Variants in DCC observed in about 807,000 individuals in gnomAD.
The protein encoded by DCC is DCC netrin 1 receptor, also known as netrin receptor DCC.
Under a neutral mutation model 172.5 loss-of-function variants are expected in DCC, and 58 were observed. The observed-to-expected ratio is 0.34, with a 90% CI of 0.27 to 0.42. The LOEUF is 0.42. Among genes scored for constraint, DCC ranks in the 10% least tolerant of loss-of-function variants. DCC has a pLI of 1.00. For synonymous variants in DCC, 709 were observed against 644.5 expected (o/e 1.10, Z -1.52); for missense variants, 1,740 against 1,791.0 (o/e 0.97, Z 0.51).
intron 2 of DCC, among the ~76,000 whole-genome samples, chr18:52,787,082 C>T (rs1414107160): frequency 6.6e-6 from 1 of 152,080 alleles, no homozygotes; most frequent in African/African-American, 2.4e-5. Flanking sequence ...TTATTAAAAG[C>T]TTTAAAAAGT....
intron 1 of DCC, among the ~76,000 whole-genome samples, chr18:52,658,744 G>A (rs1041229990): frequency 2.0e-5 from 3 of 151,926 alleles, no homozygotes; most frequent in Non-Finnish European, 4.4e-5. Flanking sequence ...TATAGTAGTT[G>A]GGAATGGAAA....
intron 1 of DCC, among the ~76,000 whole-genome samples, chr18:52,551,300 G>T (rs973162460): frequency 3.0e-4 from 46 of 151,904 alleles, no homozygotes; most frequent in Non-Finnish European, 4.7e-4. Flanking sequence ...AAGGTAGCAA[G>T]GTAGAATCAT....
chr18:52,883,369 TGTGTGTGTGTGTGTGTGTGTGTGA>T (rs879358866), intron 2 of DCC, among the ~76,000 whole-genome samples: 1,676 of 126,714 alleles, frequency 0.013, 19 homozygotes, highest in Non-Finnish European at 0.023. Context: ...TGTGTGTGTG[TGTGTGTGTGTGTGTGTGTGTGTGA>T]GATCTCTTTC....
chr18:53,027,155 A>G (rs2041966435), intron 5 of DCC, among the ~76,000 whole-genome samples: 1 of 152,046 alleles, frequency 6.6e-6, no homozygotes, highest in African/African-American at 2.4e-5. Context: ...TACCCTCCTT[A>G]GGACAATTGG....
At chr18:52,541,587 G>A (rs1035512423) in intron 1 of DCC, among the ~76,000 whole-genome samples, 1 of 152,056 alleles carries the variant, frequency 6.6e-6, no homozygotes, top group Non-Finnish European at 1.5e-5. Flanking sequence ...ATAAGCACAA[G>A]CATCCGTTCT....
chr18:53,021,971 T>C (rs2041887853), intron 5 of DCC, among the ~76,000 whole-genome samples: 1 of 152,194 alleles, frequency 6.6e-6, no homozygotes, highest in Non-Finnish European at 1.5e-5. Context: ...CAAAATTGAG[T>C]TTGATAGTTT....
chr18:53,411,821 C>T (rs1258662757), intron 20 of DCC, among the ~76,000 whole-genome samples: 1 of 152,076 alleles, frequency 6.6e-6, no homozygotes, highest in Non-Finnish European at 1.5e-5. Flanking sequence ...ATTTTGAGGA[C>T]TTCATGTCTA....
At position 52,680,277 on chromosome 18, in the gene DCC, A is replaced by G. The variant is rs374010986; in HGVS notation, c.92-71777A>G. ...GGGAGCACAGAGGAGGAAGCAACCA[A>G]CTAGACCTGGGGGAATCAAGAGGCT... On this transcript the variant is annotated intron_variant, in intron 1 of 28. Transcript: ENST00000442544. 1.0e-3 allele frequency among the ~76,000 whole-genome samples: 158 copies of G among 152,174 alleles called. 3 individuals carry two copies. The South Asian group carries it at 0.031, about 30-fold the overall frequency.
At chr18:52,439,233 G>GA (rs74178669) in intron 1 of DCC, among the ~76,000 whole-genome samples, 3 of 144,608 alleles carry the variant, frequency 2.1e-5, no homozygotes, top group African/African-American at 7.8e-5. Context: ...CCTAATCACA[G>GA]AAAAAAATAC....
At chr18:53,164,055 C>A (rs746986048) in intron 8 of DCC, among the ~76,000 whole-genome samples, 5 of 152,184 alleles carry the variant, frequency 3.3e-5, no homozygotes, top group Non-Finnish European at 2.9e-5. Flanking sequence ...CCAAAGCAGG[C>A]ACTCTCAATC....
intron 1 of DCC, among the ~76,000 whole-genome samples, chr18:52,669,904 T>C (rs894872740): frequency 6.6e-6 from 1 of 151,640 alleles, no homozygotes; most frequent in Non-Finnish European, 1.5e-5. Context: ...AAAGAGAAAG[T>C]AACAAGTGTG....
chr18:53,054,279 G>A (rs1043800776), intron 5 of DCC, among the ~76,000 whole-genome samples: 1 of 151,726 alleles, frequency 6.6e-6, no homozygotes, highest in Non-Finnish European at 1.5e-5. Context: ...TATATATGAA[G>A]GACCAGCTAT....
At chr18:53,069,104 A>G (rs1480893219) in intron 7 of DCC, among the ~76,000 whole-genome samples, 1 of 152,088 alleles carries the variant, frequency 6.6e-6, no homozygotes, top group Non-Finnish European at 1.5e-5. Context: ...AGATGATGGA[A>G]GTACAGTAAC....
intron 12 of DCC, among the ~76,000 whole-genome samples, chr18:53,302,958 T>G (rs2057158158): frequency 6.6e-6 from 1 of 152,222 alleles, no homozygotes; most frequent in African/African-American, 2.4e-5. Context: ...TGTTTTGCAT[T>G]TATTTTGTTT....
intron 12 of DCC, among the ~76,000 whole-genome samples, chr18:53,225,304 G>A (rs1171214316): frequency 6.6e-6 from 1 of 152,184 alleles, no homozygotes; most frequent in African/African-American, 2.4e-5. Context: ...TAGGCTTGAG[G>A]GAGGTGTTAT....
At chr18:52,523,721 A>G (rs1051428079) in intron 1 of DCC, among the ~76,000 whole-genome samples, 3 of 152,222 alleles carry the variant, frequency 2.0e-5, no homozygotes, top group African/African-American at 7.2e-5. Flanking sequence ...TGAATTATGC[A>G]TTAACATATG....
chr18:52,457,380 A>G (rs1392663891), intron 1 of DCC, among the ~76,000 whole-genome samples: 4 of 152,196 alleles, frequency 2.6e-5, no homozygotes, highest in Admixed American at 1.3e-4. Context: ...AAATATCTTT[A>G]TGCCACACAT....
At chr18:52,426,294 G>C (rs866618272) in intron 1 of DCC, among the ~76,000 whole-genome samples, 3 of 118,410 alleles carry the variant, frequency 2.5e-5, no homozygotes, top group Middle Eastern at 3.9e-3. Context: ...TGTAGTGCCA[G>C]AATTTTTTTT....
At chr18:53,325,927 G>A (rs1010028391) in intron 14 of DCC, among the ~76,000 whole-genome samples, 13 of 152,188 alleles carry the variant, frequency 8.5e-5, no homozygotes, top group African/African-American at 2.6e-4. Context: ...AGAGAAAGGG[G>A]GTTCTGACAG....
Sources: gnomAD v4.1 joint callset for allele counts (sites outside exome capture counted in the v4.1 genomes callset) on GRCh38, gnomAD v4.1.1 for gene constraint, MANE v1.5 for transcripts, NCBI Gene and HGNC (gene_info 2026-07-23, HGNC 2026-07-21) for gene names.